The following SUPT3H variants were observed in gnomAD, a reference collection of about 807,000 sequenced individuals.
The protein encoded by SUPT3H is SPT3 homolog, SAGA and STAGA complex component.
A neutral mutation model predicts 44.3 loss-of-function variants in SUPT3H; 44 were observed. The ratio of observed to expected loss-of-function variants is 0.99; its 90% CI spans 0.78 to 1.28. The LOEUF is 1.28. Among genes scored for constraint, SUPT3H ranks in the 50% most tolerant of loss-of-function variants. The probability of loss-of-function intolerance (pLI) is 0.00; values close to 1 mark genes in which losing one functional copy is unlikely to be tolerated. For synonymous variants in SUPT3H, 124 were observed against 125.6 expected (o/e 0.99, Z 0.09); for missense variants, 380 against 387.1 (o/e 0.98, Z 0.15).
chr6:45,158,277 T>TAA (rs1473529804), intron 2 of SUPT3H, among the ~76,000 whole-genome samples: 1 of 22,732 alleles, frequency 4.4e-5, no homozygotes. Flanking sequence ...TAAATATACA[T>TAA]ATATATATAT....
chr6:45,185,127 G>A (rs1168066358), intron 2 of SUPT3H, among the ~76,000 whole-genome samples: 2 of 152,092 alleles, frequency 1.3e-5, no homozygotes, highest in East Asian at 1.9e-4. Context: ...TCTGTGGATC[G>A]CATTCCTCCA....
chr6:44,891,472 A>G (rs193058725), intron 10 of SUPT3H, among the ~76,000 whole-genome samples: 4 of 152,320 alleles, frequency 2.6e-5, no homozygotes, highest in Admixed American at 6.5e-5. Flanking sequence ...CCTTGAAAAT[A>G]TTATGAGTGA....
intron 5 of SUPT3H, among the ~76,000 whole-genome samples, chr6:45,007,515 G>A (rs369004193): frequency 1.3e-5 from 2 of 151,998 alleles, no homozygotes; most frequent in Non-Finnish European, 2.9e-5. Flanking sequence ...AATTAGGTCT[G>A]AAGAGTGACT....
intron 10 of SUPT3H, among the ~76,000 whole-genome samples, chr6:44,906,937 T>G (rs971827266): frequency 6.6e-6 from 1 of 152,258 alleles, no homozygotes; most frequent in Non-Finnish European, 1.5e-5. Flanking sequence ...GACTTTCTGC[T>G]GGAATTTAAG....
intron 2 of SUPT3H, among the ~76,000 whole-genome samples, chr6:45,277,862 G>A (rs1777282860): frequency 1.3e-5 from 2 of 152,052 alleles, no homozygotes; most frequent in Admixed American, 6.6e-5. Flanking sequence ...ACTAAATGTT[G>A]ATTTCATTTT....
At chr6:45,228,296 G>C (rs1309754819) in intron 2 of SUPT3H, among the ~76,000 whole-genome samples, 1 of 152,174 alleles carries the variant, frequency 6.6e-6, no homozygotes, top group African/African-American at 2.4e-5. Flanking sequence ...ACTAAGCAAA[G>C]CAGATAGCCC....
intron 2 of SUPT3H, among the ~76,000 whole-genome samples, chr6:45,320,383 C>A (rs1785299845): frequency 1.3e-5 from 2 of 151,978 alleles, no homozygotes; most frequent in South Asian, 2.1e-4. Flanking sequence ...CTCACCTCAG[C>A]CTCCCTAATA....
chr6:44,990,200 G>A (rs1780418407), intron 6 of SUPT3H, among the ~76,000 whole-genome samples: 1 of 150,872 alleles, frequency 6.6e-6, no homozygotes, highest in Non-Finnish European at 1.5e-5. Flanking sequence ...TTTCGCATGT[G>A]GATATTCACT....
intron 2 of SUPT3H, among the ~76,000 whole-genome samples, chr6:45,115,301 G>T (rs1356562302): frequency 6.6e-6 from 1 of 152,046 alleles, no homozygotes; most frequent in Non-Finnish European, 1.5e-5. Context: ...TGTACCATCA[G>T]ATCTTTAGAA....
intron 10 of SUPT3H, among the ~76,000 whole-genome samples, chr6:44,847,747 C>G (rs929650795): frequency 6.6e-6 from 1 of 152,046 alleles, no homozygotes; most frequent in African/African-American, 2.4e-5. Flanking sequence ...CTTGGCCTCC[C>G]AAAGTGCTGG....
chr6:44,959,931 T>C (rs1191201579), intron 7 of SUPT3H, among the ~76,000 whole-genome samples: 1 of 152,106 alleles, frequency 6.6e-6, no homozygotes, highest in Non-Finnish European at 1.5e-5. Context: ...CCCACGTGGA[T>C]TAAAGCATTC....
chr6:45,371,787 A>G, intron 1 of SUPT3H: 1 of 973,320 alleles, frequency 1.0e-6, no homozygotes, highest in Non-Finnish European at 1.2e-6. Flanking sequence ...ATAACAGACA[A>G]ACATATATGC....
intron 1 of SUPT3H, chr6:45,371,907 G>A: frequency 1.1e-6 from 1 of 907,826 alleles, no homozygotes; most frequent in South Asian, 5.1e-5. Context: ...CTGAAGTCCA[G>A]AGGGGTTTCT....
chr6:45,278,477 A>C (rs999693308), intron 2 of SUPT3H, among the ~76,000 whole-genome samples: 1 of 152,194 alleles, frequency 6.6e-6, no homozygotes, highest in Non-Finnish European at 1.5e-5. Flanking sequence ...GGGAATGTGT[A>C]ATCCAAAAAT....
chr6:45,099,607 T>C (rs1281885081), intron 3 of SUPT3H, among the ~76,000 whole-genome samples: 1 of 152,208 alleles, frequency 6.6e-6, no homozygotes, highest in African/African-American at 2.4e-5. Flanking sequence ...CTTACCATAA[T>C]GTTTTAAAAT....
chr6:44,983,416 T>C lies in SUPT3H; in HGVS notation c.504+20237A>G, dbSNP rs59994313. ...TCTAATAGCTAATGAAGGCAGTGTGTACCTTCAGTAGGCAAGGAATGTGAA... is the reference window on the plus strand; with the variant it reads ...TCTAATAGCTAATGAAGGCAGTGTGCACCTTCAGTAGGCAAGGAATGTGAA... On this transcript the variant is annotated intron_variant, in intron 6 of 10. Coordinates refer to ENST00000371459, the MANE Select transcript of SUPT3H (RefSeq NM_003599.4). 8.7e-3 allele frequency among the ~76,000 whole-genome samples: 1,325 copies of C among 152,288 alleles called. 23 individuals are homozygous for C. The highest frequency in any genetic ancestry group is 0.03 in the African/African-American group (1,239 of 41,554).
downstream of SUPT3H, among the ~76,000 whole-genome samples, chr6:44,822,978 T>C (rs1330501417): frequency 6.6e-6 from 1 of 151,480 alleles, no homozygotes; most frequent in Non-Finnish European, 1.5e-5. Context: ...ATCAGCTGGA[T>C]GTGGTGGCGC....
chr6:45,109,961 A>G (rs142357471), intron 2 of SUPT3H, among the ~76,000 whole-genome samples: 1 of 152,254 alleles, frequency 6.6e-6, no homozygotes, highest in East Asian at 1.9e-4. Flanking sequence ...TGCCTGTGAC[A>G]ATACCAGTAC....
intron 1 of SUPT3H, among the ~76,000 whole-genome samples, chr6:45,367,857 A>T (rs1473167837): frequency 1.3e-5 from 2 of 152,182 alleles, no homozygotes; most frequent in African/African-American, 4.8e-5. Flanking sequence ...TTTTATATCA[A>T]ACAGGTGAAT....
Sources: allele counts gnomAD v4.1 joint callset (sites outside exome capture counted in the v4.1 genomes callset), GRCh38; gene constraint gnomAD v4.1.1; transcripts MANE v1.5; gene names NCBI Gene and HGNC (gene_info 2026-07-23, HGNC 2026-07-21).